KLHDC10: variants seen among roughly 807,000 people sequenced by gnomAD.
The protein encoded by KLHDC10 is kelch domain containing 10, also known as kelch domain-containing protein 10.
Under a neutral mutation model 56.1 loss-of-function variants are expected in KLHDC10, and 24 were observed. The ratio of observed to expected loss-of-function variants is 0.43; its 90% CI spans 0.31 to 0.60. KLHDC10 has a LOEUF of 0.60. Among genes scored for constraint, KLHDC10 ranks in the 20% least tolerant of loss-of-function variants. The pLI is 0.11. For missense variants in KLHDC10, 349 were observed against 567.0 expected (o/e 0.62, Z 3.91); for synonymous variants, 188 against 207.1 (o/e 0.91, Z 0.79).
intron 2 of KLHDC10, among the ~76,000 whole-genome samples, chr7:130,100,767 A>G (rs1795918536): frequency 6.6e-6 from 1 of 152,154 alleles, no homozygotes; most frequent in African/African-American, 2.4e-5. Flanking sequence ...AGACAGTTTC[A>G]TAGGGCCCAT....
chr7:130,101,735 C>T (rs1440764003), intron 2 of KLHDC10, among the ~76,000 whole-genome samples: 16 of 152,044 alleles, frequency 1.1e-4, no homozygotes, highest in Admixed American at 9.8e-4. Context: ...CTTAGGGAGG[C>T]TGAAGTGGGC....
intron 5 of KLHDC10, among the ~76,000 whole-genome samples, chr7:130,122,601 G>A (rs1796262761): frequency 1.3e-5 from 2 of 152,122 alleles, no homozygotes; most frequent in Admixed American, 6.5e-5. Context: ...CTAGGCTGGA[G>A]TACAGTGACA....
At chr7:130,124,562 G>GGGCGCGGCCC in intron 6 of KLHDC10, 27 bp downstream of exon 6, 1 of 1,180,626 alleles carries the variant, frequency 8.5e-7, no homozygotes, top group Non-Finnish European at 1.3e-6. Flanking sequence ...AGAAAAAAAG[G>GGGCGCGGCCC]GAGAGGGAGA....
At chr7:130,078,387 TAAATAA>T (rs1486757448) in intron 1 of KLHDC10, among the ~76,000 whole-genome samples, 12 of 151,766 alleles carry the variant, frequency 7.9e-5, no homozygotes, top group Non-Finnish European at 1.6e-4. Flanking sequence ...AAATAAAAAA[TAAATAA>T]AAATAAAATA....
At position 130,116,684 on chromosome 7, in the gene KLHDC10, G is replaced by C. The variant is rs781213083; in HGVS notation, c.475+18G>C. The C allele has an allele frequency of 1.3e-6, 2 of 1,583,568 alleles. No individual in the cohort carries two copies. Among genetic ancestry groups the C allele is most frequent in the East Asian group, 2.2e-5 (1 of 44,712 alleles). ...TATGTCACGTGAGTGCAAGCAGTTC[G>C]TAACTCCTGACTTTATGAAATGTCT... On this transcript the variant is annotated intron_variant, in intron 3 of 9. Coordinates refer to ENST00000335420, the MANE Select transcript of KLHDC10 (RefSeq NM_014997.4). The surrounding 1 kb of genome is among the most constrained non-coding windows in gnomAD (Gnocchi z 4.8).
Position 130,122,049 on chromosome 7 carries a change from T to A in KLHDC10, c.631-5T>A, listed in dbSNP as rs1483855467. ...CGGTCTTATTCACCTTTCCTTGTTA[T>A]CCAGGCTATGGCCATCATCAATGGC... On this transcript the variant is annotated splice_polypyrimidine_tract_variant and splice_region_variant and intron_variant, in intron 4 of 9. Coordinates refer to ENST00000335420, the MANE Select transcript of KLHDC10 (RefSeq NM_014997.4). 1 of 1,609,746 alleles carries A rather than the reference T, an allele frequency of 6.2e-7. No homozygotes were observed. The highest frequency in any genetic ancestry group is 8.5e-7 in the Non-Finnish European group (1 of 1,178,614).
intron 7 of KLHDC10, among the ~76,000 whole-genome samples, 173 bp downstream of exon 7, chr7:130,126,104 C>T (rs1796312411): frequency 1.3e-5 from 2 of 151,582 alleles, no homozygotes; most frequent in Non-Finnish European, 1.5e-5. Context: ...AGGCTTGAGC[C>T]CAGGAGTTTG....
At chr7:130,091,083 C>T (rs1174589224) in intron 1 of KLHDC10, among the ~76,000 whole-genome samples, 3 of 151,964 alleles carry the variant, frequency 2.0e-5, no homozygotes, top group Non-Finnish European at 2.9e-5. Flanking sequence ...CCATTCATTT[C>T]GCTGAAGGAC....
At chr7:130,100,016 G>A (rs1169745668) in intron 2 of KLHDC10, among the ~76,000 whole-genome samples, 1 of 151,932 alleles carries the variant, frequency 6.6e-6, no homozygotes, top group Middle Eastern at 3.4e-3. Context: ...TGAGGCAGGA[G>A]GATTGCTTGC....
chr7:130,072,900 C>T (rs969651969), intron 1 of KLHDC10, among the ~76,000 whole-genome samples: 5 of 152,062 alleles, frequency 3.3e-5, no homozygotes, highest in Non-Finnish European at 4.4e-5. Context: ...AAATTACAGG[C>T]GCCCACCACC....
rs150381228 is a variant in KLHDC10 at position 130,100,454 on chromosome 7, T to G, written c.253+3447T>G. On this transcript the variant is annotated intron_variant, in intron 2 of 9. Coordinates refer to ENST00000335420, the MANE Select transcript of KLHDC10 (RefSeq NM_014997.4). ...GTGCCTTTCATATCTTTACTCCAGTTTGTAGCATAGTGCATGTAGCAGGTA... is the reference window on the plus strand; with the variant it reads ...GTGCCTTTCATATCTTTACTCCAGTGTGTAGCATAGTGCATGTAGCAGGTA... 2.4e-3 allele frequency among the ~76,000 whole-genome samples: 373 copies of G among 152,312 alleles called. 1 individual carries two copies. Among genetic ancestry groups the G allele is most frequent in the African/African-American group, 8.4e-3 (351 of 41,570 alleles).
At chr7:130,128,889 A>AAAAAAAAAAATATAT in intron 8 of KLHDC10, among the ~76,000 whole-genome samples, 35 of 66,950 alleles carry the variant, frequency 5.2e-4, no homozygotes, top group Non-Finnish European at 5.8e-4. Context: ...AAAAAAAAAA[A>AAAAAAAAAAATATAT]ATATATATAT....
At chr7:130,128,889 A>AAAAAAAAAAAAAAATATATATAT in intron 8 of KLHDC10, among the ~76,000 whole-genome samples, 1 of 66,954 alleles carries the variant, frequency 1.5e-5, no homozygotes, top group Non-Finnish European at 2.8e-5. Context: ...AAAAAAAAAA[A>AAAAAAAAAAAAAAATATATATAT]ATATATATAT....
chr7:130,117,849 CAAA>C (rs60800057), intron 3 of KLHDC10, among the ~76,000 whole-genome samples: 20,919 of 72,328 alleles, frequency 0.29, 1,687 homozygotes, highest in Non-Finnish European at 0.34. Context: ...GACCCTGTCT[CAAA>C]AAAAAAAAAA....
intron 2 of KLHDC10, among the ~76,000 whole-genome samples, chr7:130,112,854 T>C (rs2116896370): frequency 6.6e-6 from 1 of 152,296 alleles, no homozygotes; most frequent in South Asian, 2.1e-4. Flanking sequence ...TAGATGCTCT[T>C]TACCCAAAAG....
intron 2 of KLHDC10, among the ~76,000 whole-genome samples, chr7:130,113,247 G>C (rs950347991): frequency 3.3e-5 from 5 of 152,098 alleles, no homozygotes; most frequent in Non-Finnish European, 7.3e-5. Flanking sequence ...AGCTCCCAAG[G>C]ACAGAGGTAG....
chr7:130,096,822 T>A, intron 1 of KLHDC10, 99 bp from the exon 2 acceptor site: 3 of 773,942 alleles, frequency 3.9e-6, no homozygotes. Context: ...TCAAGTATTG[T>A]TTTGTTTCCT....
rs533880149 is a variant in KLHDC10 at position 130,122,475 on chromosome 7, T to C, written c.779+273T>C. Among the ~76,000 whole-genome samples, 61 of 152,334 alleles carry C rather than the reference T, an allele frequency of 4.0e-4. 2 individuals carry two copies. In the South Asian group the frequency reaches 0.012, roughly 31 times the overall value. On this transcript the variant is annotated intron_variant, in intron 5 of 9. Coordinates refer to ENST00000335420, the MANE Select transcript of KLHDC10 (RefSeq NM_014997.4). ...CTGCATTAGGAAGATAGTAACACTT[T>C]GAAGAAGAAACCAGTGGTAACAACT...
chr7:130,109,798 G>T (rs1034806477), intron 2 of KLHDC10, among the ~76,000 whole-genome samples: 1 of 151,762 alleles, frequency 6.6e-6, no homozygotes, highest in African/African-American at 2.4e-5. Context: ...ACCACCACGC[G>T]TGGCTAATTT....
Sources: allele counts gnomAD v4.1 joint callset (sites outside exome capture counted in the v4.1 genomes callset), GRCh38; gene constraint gnomAD v4.1.1; non-coding constraint Gnocchi (gnomAD v3.1); transcripts MANE v1.5; gene names NCBI Gene and HGNC (gene_info 2026-07-23, HGNC 2026-07-21).